MUC5B: variants seen among roughly 807,000 people sequenced by gnomAD.
MUC5B encodes mucin 5B, oligomeric mucus/gel-forming.
A neutral mutation model predicts 376.9 loss-of-function variants in MUC5B; 116 were observed. The observed-to-expected ratio is 0.31, with a 90% CI of 0.26 to 0.36. The LOEUF (loss-of-function observed/expected upper bound fraction) is 0.36. Ranked by LOEUF, MUC5B falls within the 10% of genes least tolerant of loss-of-function variation. The probability of loss-of-function intolerance (pLI) is 1.00; values close to 1 mark genes in which losing one functional copy is unlikely to be tolerated. For missense variants in MUC5B, 7,165 were observed against 7,769.9 expected (o/e 0.92, Z 2.93); for synonymous variants, 3,517 against 3,390.9 (o/e 1.04, Z -1.29).
chr11:1,239,817 C>A lies in MUC5B; in HGVS notation c.3602C>A (p.Pro1201Gln). Residue 1201 changes from proline to glutamine, a missense_variant, in exon 28 of 49, where the codon CCA (proline) becomes CAA (glutamine). By Grantham distance (76) the Pro-to-Gln change is moderately conservative. Coordinates refer to ENST00000529681, the MANE Select transcript of MUC5B (RefSeq NM_002458.3). ...GCCCTAGGCTGCTACCCGAAGTGCC[C>A]ACCCAGCCAGCCCTTCTTCAATGAG... Reference protein sequence around the residue: ...PGLEGCYPKCPPSQPFFNEDQ... With the variant: ...PGLEGCYPKCQPSQPFFNEDQ... 6.2e-7 allele frequency: 1 copy of A among 1,611,564 alleles called. No individual in the cohort carries two copies. The highest frequency in any genetic ancestry group is 8.5e-7 in the Non-Finnish European group (1 of 1,179,072).
Position 1,250,031 on chromosome 11 carries a change from C to T in MUC5B, c.13151C>T (p.Ser4384Phe). The change falls in exon 31 of 49, where the codon TCC (serine) becomes TTC (phenylalanine). Residue 4384 changes from serine to phenylalanine, a missense_variant. Ser to Phe is a radical substitution (Grantham distance 155, BLOSUM62 -2). This residue lies in a region of MUC5B where 431 missense variants were observed against 390.4 expected (regional missense o/e 1.10). Transcript: ENST00000529681. The stretch of plus-strand genomic sequence containing the variant: ...ACCAGTTCCACGTCCACCCCCTCCT[C>T]CACTCCGGGGACGACCTGGATCCTC... ...RATSSTSTPS[S>F]TPGTTWILTE... The T allele has an allele frequency of 6.2e-7, 1 of 1,613,234 alleles. No individual in the cohort carries two copies. The highest frequency in any genetic ancestry group is 8.5e-7 in the Non-Finnish European group (1 of 1,179,648).
Position 1,242,137 on chromosome 11 carries a change from C to A in MUC5B, c.5257C>A (p.Leu1753Met). The A allele has an allele frequency of 6.2e-7, 1 of 1,613,456 alleles. No homozygotes were observed. The highest frequency in any genetic ancestry group is 2.2e-5 in the East Asian group (1 of 44,860). The change falls in exon 31 of 49, where the codon CTG becomes ATG. Residue 1753 changes from leucine (L) to methionine (M), a missense_variant. By Grantham distance (15) the Leu-to-Met change is conservative. Transcript: ENST00000529681. ...TSLAPTLTSE[L>M]STSQAETSTP... is the part of the protein sequence containing the mutation. ...CCTGGCGCCAACACTCACGAGCGAG[C>A]TGTCCACCTCTCAGGCCGAGACCAG...
Position 1,236,391 on chromosome 11 carries a change from C to G in MUC5B, c.2886C>G (p.Tyr962Ter), listed in dbSNP as rs767087873. The G allele has an allele frequency of 1.9e-6, 3 of 1,608,694 alleles. No homozygotes were observed. Among genetic ancestry groups the G allele is most frequent in the Non-Finnish European group, 1.7e-6 (2 of 1,177,060 alleles). ...AGCGTCTGCCTCCCCTGCAGAGCTACGAGCTGATCCTCCAAGAGGGGACCT... is the reference window on the plus strand; with the variant it reads ...AGCGTCTGCCTCCCCTGCAGAGCTAGGAGCTGATCCTCCAAGAGGGGACCT... ...SKAIKLFVES[Y>*]ELILQEGTFK... The change falls in exon 24 of 49, where the codon TAC becomes TAG. Residue 962 changes from tyrosine (Y) to a stop codon, truncating the protein, a stop_gained. Transcript: ENST00000529681. LOFTEE classifies it high-confidence loss of function.
chr11:1,251,371 G>T lies in MUC5B; in HGVS notation c.14491G>T (p.Ala4831Ser), dbSNP rs187205469. 2.0e-6 allele frequency: 3 copies of T among 1,531,086 alleles called. No individual in the cohort carries two copies. The African/African-American group carries it at 4.1e-5, about 21-fold the overall frequency. 94.8% of individuals were successfully genotyped at this position (1,531,086 alleles called of 1,614,324 possible). The change falls in exon 31 of 49, where the codon GCC (alanine) becomes TCC (serine). Residue 4831 changes from alanine to serine, a missense_variant. Physicochemically the swap from Ala to Ser is moderately conservative, Grantham distance 99. This residue lies in a region of MUC5B where 730 missense variants were observed against 592.7 expected (regional missense o/e 1.23). Coordinates refer to ENST00000529681, the MANE Select transcript of MUC5B (RefSeq NM_002458.3). ...GACCACAACAGCCACTACAACTGCA[G>T]CCACTGGATCCACGGCCACCCTGTC... ...ELTTTATTTAATGSTATLSST... is the reference protein window; with the variant it reads ...ELTTTATTTASTGSTATLSST...
At chr11:1,252,174 C>T (rs367765584) in intron 31 of MUC5B, among the ~76,000 whole-genome samples, 169 bp from the exon 32 acceptor site, 1 of 152,218 alleles carries the variant, frequency 6.6e-6, no homozygotes, top group African/African-American at 2.4e-5. Context: ...CAATCCGTCC[C>T]CAGTGGCCAC....
At position 1,245,847 on chromosome 11, in the gene MUC5B, G is replaced by A. The variant is rs373614910; in HGVS notation, c.8967G>A (p.Thr2989=). The A allele has an allele frequency of 4.2e-5, 67 of 1,612,872 alleles. 1 individual carries two copies. The highest frequency in any genetic ancestry group is 3.6e-5 in the Non-Finnish European group (42 of 1,179,714). The change falls in exon 31 of 49, where the codon ACG becomes ACA. Residue 2989 remains threonine, a synonymous_variant. Transcript: ENST00000529681. ...STATPSSTPG[T]TWILTEQTTA... ...CCACGCCCTCCTCCACTCCAGGGAC[G>A]ACCTGGATCCTCACAGAGCAGACCA...
In MUC5B at chr11:1,248,594, C is replaced by G. The variant is rs1862567505; in HGVS notation, c.11714C>G (p.Thr3905Ser). The G allele has an allele frequency of 6.2e-7, 1 of 1,613,046 alleles. No homozygotes were observed. Among genetic ancestry groups the G allele is most frequent in the South Asian group, 1.1e-5 (1 of 91,050 alleles). Residue 3905 changes from threonine to serine, a missense_variant, in exon 31 of 49, where the codon ACC (threonine) becomes AGC (serine). This residue lies in a region of MUC5B where 242 missense variants were observed against 199.0 expected (regional missense o/e 1.22). Coordinates refer to ENST00000529681, the MANE Select transcript of MUC5B (RefSeq NM_002458.3). ...CCCACAACCAGTGGCTCCACGGTGA[C>G]CCCCTCCTCCGTCCCGGGGACCACC... ...TTPTTSGSTV[T>S]PSSVPGTTHT...
At chr11:1,254,950 A>G in intron 35 of MUC5B, 70 bp downstream of exon 35, 1 of 913,178 alleles carries the variant, frequency 1.1e-6, no homozygotes, top group East Asian at 4.6e-5. Context: ...AGCATAGGGG[A>G]AGCCTGGGGA....
Position 1,253,823 on chromosome 11 carries a change from G to A in MUC5B, c.15218-269G>A, listed in dbSNP as rs1862763872. On this transcript the variant is annotated intron_variant, in intron 33 of 48. Transcript: ENST00000529681. This position sits in a 1 kb window ranked among gnomAD's most constrained non-coding sequence, Gnocchi z 4.3. ...AGGGCCCACCCAGCTAGTCCACGATGATGTCATTTCAAGATGCTTCCCTTA... is the reference window on the plus strand; with the variant it reads ...AGGGCCCACCCAGCTAGTCCACGATAATGTCATTTCAAGATGCTTCCCTTA... Among the ~76,000 whole-genome samples, 1 of 152,208 alleles carries A rather than the reference G, an allele frequency of 6.6e-6. No homozygotes were observed. The highest frequency in any genetic ancestry group is 2.1e-4 in the South Asian group (1 of 4,824).
chr11:1,241,771 C>T lies in MUC5B; in HGVS notation c.4891C>T (p.Pro1631Ser). 6.2e-7 allele frequency: 1 copy of T among 1,612,354 alleles called. No homozygotes were observed. Among genetic ancestry groups the T allele is most frequent in the Non-Finnish European group, 8.5e-7 (1 of 1,179,372 alleles). ...TTTTQALFST[P>S]QPTSSPGLTR... ...CACCACCCAGGCCCTGTTCTCAACG[C>T]CGCAGCCTACGAGTAGCCCGGGGCT... The change falls in exon 31 of 49, where the codon CCG becomes TCG. Residue 1631 changes from proline (P) to serine (S), a missense_variant. Physicochemically the swap from Pro to Ser is moderately conservative, Grantham distance 74. This residue lies in a region of MUC5B where 897 missense variants were observed against 779.6 expected (regional missense o/e 1.15). Transcript: ENST00000529681.
chr11:1,228,842 G>GT, intron 8 of MUC5B, 77 bp downstream of exon 8: 1 of 1,291,482 alleles, frequency 7.7e-7, no homozygotes, highest in Non-Finnish European at 1.0e-6. Context: ...GGCCACTGGG[G>GT]GTGGGGAGGC....
At chr11:1,254,069 G>A in intron 33 of MUC5B, 23 bp from the exon 34 acceptor site, 1 of 1,602,914 alleles carries the variant, frequency 6.2e-7, no homozygotes, top group Non-Finnish European at 8.5e-7. Flanking sequence ...GAGCCTGCCA[G>A]CCCGTCCATC....
intron 48 of MUC5B, 53 bp downstream of exon 48, chr11:1,260,781 C>T: frequency 3.7e-6 from 5 of 1,365,038 alleles, no homozygotes; most frequent in Non-Finnish European, 5.1e-6. Flanking sequence ...GTGGGTCCGC[C>T]CTGGCCCGTC....
intron 25 of MUC5B, among the ~76,000 whole-genome samples, chr11:1,238,393 C>T (rs1005298762): frequency 3.9e-5 from 6 of 152,036 alleles, no homozygotes; most frequent in Non-Finnish European, 8.8e-5. Flanking sequence ...GGGCCCTGGC[C>T]GGGGGTTGGT....
In MUC5B at chr11:1,258,705, C is replaced by T. The variant is rs1197796131; in HGVS notation, c.16594-237C>T. Among the ~76,000 whole-genome samples the T allele has an allele frequency of 1.3e-5, 2 of 151,934 alleles. No homozygotes were observed. The highest frequency in any genetic ancestry group is 2.9e-5 in the Non-Finnish European group (2 of 67,946). On this transcript the variant is annotated intron_variant, in intron 43 of 48. Coordinates refer to ENST00000529681, the MANE Select transcript of MUC5B (RefSeq NM_002458.3). The surrounding 1 kb of genome is among the most constrained non-coding windows in gnomAD (Gnocchi z 5.5). Reference sequence around the variant, plus strand: ...TGCCAGATTCCTGCCCCCATGGGGTCTCTGCCCACCCAGATTCCTGCCCAC... The same window carrying T: ...TGCCAGATTCCTGCCCCCATGGGGTTTCTGCCCACCCAGATTCCTGCCCAC...
At position 1,241,015 on chromosome 11, in the gene MUC5B, G is replaced by A. The variant is rs1458742988; in HGVS notation, c.4135G>A (p.Glu1379Lys). The A allele has an allele frequency of 8.1e-6, 13 of 1,612,812 alleles. No individual in the cohort carries two copies. The highest frequency in any genetic ancestry group is 1.7e-5 in the Admixed American group (1 of 60,004). The change falls in exon 31 of 49, where the codon GAG becomes AAG. Residue 1379 changes from glutamate (E) to lysine (K), a missense_variant. Physicochemically the swap from Glu to Lys is moderately conservative, Grantham distance 56. Around this residue, in one of 31 missense-constraint regions of MUC5B, gnomAD observed 517 missense variants for 545.3 expected, o/e 0.95. Transcript: ENST00000529681. Reference protein sequence around the residue: ...YQVCPVLADIECRAAQLPDMP... With the variant: ...YQVCPVLADIKCRAAQLPDMP... ...GGTATGCCCTGTGCTGGCTGACATCGAGTGCCGGGCGGCGCAGCTTCCCGA... is the reference window on the plus strand; with the variant it reads ...GGTATGCCCTGTGCTGGCTGACATCAAGTGCCGGGCGGCGCAGCTTCCCGA...
rs775133420 is a variant in MUC5B, at chr11:1,248,610, G to A, written c.11730G>A (p.Pro3910=). 3.2e-5 allele frequency: 51 copies of A among 1,611,466 alleles called. No individual in the cohort carries two copies. Among genetic ancestry groups the A allele is most frequent in the African/African-American group, 2.6e-4 (19 of 74,370 alleles). The part of the protein sequence containing the change: ...SGSTVTPSSV[P]GTTHTPTVLT... ...CCACGGTGACCCCCTCCTCCGTCCC[G>A]GGGACCACCCACACCCCCACAGTGC... is the stretch of plus-strand genomic sequence containing the variant. Residue 3910 remains proline, a synonymous_variant, in exon 31 of 49, where the codon CCG becomes CCA. Transcript: ENST00000529681.
rs3021162 is a variant in MUC5B at position 1,246,213 on chromosome 11, G to A, written c.9333G>A (p.Thr3111=). The A allele has an allele frequency of 1.9e-5, 30 of 1,594,740 alleles. No homozygotes were observed. Among genetic ancestry groups the A allele is most frequent in the Middle Eastern group, 1.7e-4 (1 of 6,000 alleles). ...CCCACACCTCCACAGTGCTGACCAC[G>A]AAGGCCACCACGACAAGGGCCACCA... ...ETTHTSTVLT[T]KATTTRATSS... is the part of the protein sequence containing the mutation. Residue 3111 remains threonine, a synonymous_variant, in exon 31 of 49, where the codon ACG becomes ACA. Transcript: ENST00000529681.
chr11:1,227,669 C>T lies in MUC5B; in HGVS notation c.668-6C>T, dbSNP rs999291951. On this transcript the variant is annotated splice_region_variant and splice_polypyrimidine_tract_variant and intron_variant, in intron 6 of 48. Transcript: ENST00000529681. ...AGCCACCACACCCCTGCTTTCTTCCCGGCAGACGCCAGGCTGACCCCGCTC... is the reference window on the plus strand; with the variant it reads ...AGCCACCACACCCCTGCTTTCTTCCTGGCAGACGCCAGGCTGACCCCGCTC... 3.3e-5 allele frequency: 24 copies of T among 718,554 alleles called. No homozygotes were observed. The highest frequency in any genetic ancestry group is 3.1e-4 in the African/African-American group (18 of 57,318). The allele number at this position is 718,554 out of a possible 1,614,324, so 44.5% of individuals were successfully genotyped here. A position where few individuals can be genotyped will look rare whatever the true frequency, so the allele number is the denominator to read the frequency against.
Sources: gnomAD v4.1 joint callset for allele counts (sites outside exome capture counted in the v4.1 genomes callset) on GRCh38, gnomAD v4.1.1 for gene constraint, gnomAD v4.1.1 regional missense constraint, Gnocchi (gnomAD v3.1) non-coding constraint, MANE v1.5 for transcripts, NCBI Gene and HGNC (gene_info 2026-07-23, HGNC 2026-07-21) for gene names.